TMEM108: variants seen among roughly 807,000 people sequenced by gnomAD.
TMEM108 encodes cancer/testis antigen 124.
Under a neutral mutation model 35.1 loss-of-function variants are expected in TMEM108, and 12 were observed. That is an observed-to-expected ratio of 0.34 (90% confidence interval 0.22 to 0.55). TMEM108 has a LOEUF of 0.55. TMEM108 is among the 20% of genes least tolerant of loss of function. The probability of loss-of-function intolerance (pLI) is 0.89; values close to 1 mark genes in which losing one functional copy is unlikely to be tolerated. For synonymous variants in TMEM108, 287 were observed against 308.6 expected (o/e 0.93, Z 0.73); for missense variants, 680 against 753.3 (o/e 0.90, Z 1.14).
At chr3:133,225,920 C>G (rs1210016543) in intron 2 of TMEM108, among the ~76,000 whole-genome samples, 2 of 152,202 alleles carry the variant, frequency 1.3e-5, no homozygotes, top group African/African-American at 4.8e-5. Context: ...GGACCAAGAC[C>G]TGCGACACAG....
intron 2 of TMEM108, among the ~76,000 whole-genome samples, chr3:133,066,522 T>G (rs983328267): frequency 3.9e-5 from 6 of 152,300 alleles, no homozygotes; most frequent in South Asian, 2.1e-4. Flanking sequence ...TGCTTTTGCA[T>G]GGACACATAT....
At chr3:133,292,747 C>T (rs1049311953) in intron 3 of TMEM108, among the ~76,000 whole-genome samples, 3 of 152,182 alleles carry the variant, frequency 2.0e-5, no homozygotes, top group Non-Finnish European at 4.4e-5. Context: ...GCCTTAGCCA[C>T]AACTCCCCTG....
chr3:133,318,380 A>AT (rs1257522921), intron 3 of TMEM108, among the ~76,000 whole-genome samples: 2 of 152,174 alleles, frequency 1.3e-5, no homozygotes, highest in East Asian at 3.9e-4. Flanking sequence ...TCTTTTTAAC[A>AT]TTTTTTCCTT....
intron 3 of TMEM108, among the ~76,000 whole-genome samples, chr3:133,237,775 C>T (rs185108863): frequency 6.6e-6 from 1 of 152,234 alleles, no homozygotes; most frequent in Admixed American, 6.5e-5. Context: ...AAAACAATGC[C>T]ATCCTTCTAA....
chr3:133,178,590 A>G (rs2107799721), intron 2 of TMEM108, among the ~76,000 whole-genome samples: 1 of 152,332 alleles, frequency 6.6e-6, no homozygotes, highest in East Asian at 1.9e-4. Context: ...TGGTTCTGGG[A>G]AAACTGGCTA....
At chr3:133,277,094 G>C (rs1335313071) in intron 3 of TMEM108, among the ~76,000 whole-genome samples, 1 of 151,858 alleles carries the variant, frequency 6.6e-6, no homozygotes, top group Non-Finnish European at 1.5e-5. Flanking sequence ...ACAAGCAAAT[G>C]CAGTATGTGT....
chr3:133,152,439 C>G (rs939791968), intron 2 of TMEM108, among the ~76,000 whole-genome samples: 1 of 152,108 alleles, frequency 6.6e-6, no homozygotes, highest in African/African-American at 2.4e-5. Context: ...GCACACTGCT[C>G]TCTGTTGTAT....
At chr3:133,391,829 C>A (rs2073239327) in intron 5 of TMEM108, among the ~76,000 whole-genome samples, 1 of 152,230 alleles carries the variant, frequency 6.6e-6, no homozygotes, top group African/African-American at 2.4e-5. Flanking sequence ...GTTCAGCTCT[C>A]CTGTCACGTG....
intron 3 of TMEM108, among the ~76,000 whole-genome samples, chr3:133,283,519 G>T (rs1946943739): frequency 1.3e-5 from 2 of 152,136 alleles, no homozygotes; most frequent in Admixed American, 1.3e-4. Context: ...TTTAATTACA[G>T]GAAAGTGCTA....
chr3:133,390,391 A>G (rs2073216532), intron 5 of TMEM108, 57 bp downstream of exon 5: 2 of 1,592,056 alleles, frequency 1.3e-6, no homozygotes, highest in African/African-American at 1.3e-5. Context: ...AAAGAGAGCC[A>G]TGGGGCATCT....
intron 3 of TMEM108, among the ~76,000 whole-genome samples, chr3:133,255,195 T>C (rs1946528518): frequency 6.6e-6 from 1 of 152,192 alleles, no homozygotes; most frequent in African/African-American, 2.4e-5. Flanking sequence ...TTGATGAGGA[T>C]TGGCAAGGTT....
chr3:133,114,548 C>CT (rs567638963), intron 2 of TMEM108, among the ~76,000 whole-genome samples: 12 of 152,158 alleles, frequency 7.9e-5, no homozygotes, highest in Admixed American at 2.6e-4. Context: ...GGCAGCCCTC[C>CT]TGTTGTTGTT....
chr3:133,268,891 C>A (rs751576998), intron 3 of TMEM108, among the ~76,000 whole-genome samples: 1 of 152,186 alleles, frequency 6.6e-6, no homozygotes, highest in African/African-American at 2.4e-5. Context: ...TTCCAGATGA[C>A]CTTTCCAAGC....
chr3:133,333,548 T>C (rs2071429174), intron 3 of TMEM108, among the ~76,000 whole-genome samples: 1 of 152,034 alleles, frequency 6.6e-6, no homozygotes, highest in Admixed American at 6.5e-5. Context: ...AAAAAATAAA[T>C]AAACAATAAA....
chr3:133,163,470 T>C (rs961175748), intron 2 of TMEM108, among the ~76,000 whole-genome samples: 2 of 152,070 alleles, frequency 1.3e-5, no homozygotes, highest in Non-Finnish European at 2.9e-5. Context: ...AAGGAGGGTG[T>C]AATGAGGACA....
intron 2 of TMEM108, among the ~76,000 whole-genome samples, chr3:133,102,471 C>T (rs1944100647): frequency 6.6e-6 from 1 of 152,182 alleles, no homozygotes; most frequent in Non-Finnish European, 1.5e-5. Context: ...CTAGCTGCTG[C>T]TCCTGTGTGC....
chr3:133,245,387 T>G (rs1946371108), intron 3 of TMEM108, among the ~76,000 whole-genome samples: 1 of 152,228 alleles, frequency 6.6e-6, no homozygotes, highest in Non-Finnish European at 1.5e-5. Flanking sequence ...CGAAGTTCTT[T>G]GACCAGTTGT....
chr3:133,378,359 C>T, intron 3 of TMEM108: 1 of 985,520 alleles, frequency 1.0e-6, no homozygotes, highest in Non-Finnish European at 1.2e-6. Flanking sequence ...CCTTCTCCAT[C>T]AGACACCTGG....
intron 2 of TMEM108, among the ~76,000 whole-genome samples, chr3:133,167,309 A>C (rs866656020): frequency 6.6e-6 from 1 of 152,240 alleles, no homozygotes; most frequent in African/African-American, 2.4e-5. Flanking sequence ...CCAAGTCCCC[A>C]CCCAACTCAG....
Sources: allele counts gnomAD v4.1 joint callset (sites outside exome capture counted in the v4.1 genomes callset), GRCh38; gene constraint gnomAD v4.1.1; transcripts MANE v1.5; gene names NCBI Gene and HGNC (gene_info 2026-07-23, HGNC 2026-07-21).